The following TRAPPC8 variants were observed in gnomAD, a reference collection of about 807,000 sequenced individuals.
The protein encoded by TRAPPC8 is trafficking protein particle complex subunit 8.
A neutral mutation model predicts 174.3 loss-of-function variants in TRAPPC8; 54 were observed. The ratio of observed to expected loss-of-function variants is 0.31; its 90% CI spans 0.25 to 0.39. The LOEUF (loss-of-function observed/expected upper bound fraction) is 0.39, where lower values mean the gene tolerates loss of function less well. TRAPPC8 is among the 10% of genes least tolerant of loss of function. The probability of loss-of-function intolerance (pLI) is 1.00; values close to 1 mark genes in which losing one functional copy is unlikely to be tolerated. For missense variants in TRAPPC8, 1,531 were observed against 1,699.1 expected (o/e 0.90, Z 1.74); for synonymous variants, 630 against 579.9 (o/e 1.09, Z -1.24).
chr18:31,873,007 C>CTTTTTTTTTT (rs59209328), intron 14 of TRAPPC8, among the ~76,000 whole-genome samples: 4 of 74,600 alleles, frequency 5.4e-5, no homozygotes, highest in African/African-American at 1.8e-4. Flanking sequence ...ATTCATTTTC[C>CTTTTTTTTTT]TTTTTTTTTT....
chr18:31,940,321 A>G (rs2038276674), intron 1 of TRAPPC8, among the ~76,000 whole-genome samples: 1 of 151,638 alleles, frequency 6.6e-6, no homozygotes, highest in Non-Finnish European at 1.5e-5. Context: ...CTAAAAATAC[A>G]AAAATAAGCC....
chr18:31,872,522 C>A (rs1353800527), intron 14 of TRAPPC8, among the ~76,000 whole-genome samples: 1 of 152,050 alleles, frequency 6.6e-6, no homozygotes, highest in Non-Finnish European at 1.5e-5. Flanking sequence ...TGGGTTCAAG[C>A]GATTCTCCTG....
In TRAPPC8 at chr18:31,890,811, T is replaced by C; in HGVS notation, c.1652A>G (p.Asn551Ser). 6.2e-7 allele frequency: 1 copy of C among 1,612,750 alleles called. No individual in the cohort carries two copies. The highest frequency in any genetic ancestry group is 2.2e-5 in the East Asian group (1 of 44,766). ...TTTTCTAACCATGGGACTTTTCATG[T>C]TTATAAAGCAATGTGCTGCCTGTTC... ...LLEQAAHCFI[N>S]MKSPMVRKYA... Residue 551 changes from asparagine (N) to serine (S), a missense_variant, in exon 12 of 29, where the codon AAC becomes AGC. Physicochemically the swap from Asn to Ser is conservative, Grantham distance 46 (BLOSUM62 1). Transcript: ENST00000283351.
At position 31,852,463 on chromosome 18, in the gene TRAPPC8, T is replaced by C. The variant is rs1475229030; in HGVS notation, c.3544A>G (p.Ile1182Val). 2 of 1,614,180 alleles carry C rather than the reference T, an allele frequency of 1.2e-6. No individual in the cohort carries two copies. Among genetic ancestry groups the C allele is most frequent in the Non-Finnish European group, 1.7e-6 (2 of 1,180,024 alleles). ...SSEKYTFADI[I>V]FGNEQIISSA... is the part of the protein sequence containing the mutation. ...TTGCATACCTGTTCATTTCCAAAGATGATATCTGCAAAGGTATATTTTTCA... is the reference window on the plus strand; with the variant it reads ...TTGCATACCTGTTCATTTCCAAAGACGATATCTGCAAAGGTATATTTTTCA... Residue 1182 changes from isoleucine to valine, a missense_variant, in exon 24 of 29, where the codon ATC (isoleucine) becomes GTC (valine). Ile to Val is a conservative substitution (Grantham distance 29). Transcript: ENST00000283351.
chr18:31,873,420 C>G lies in TRAPPC8; in HGVS notation c.2062+10G>C. The G allele has an allele frequency of 6.2e-7, 1 of 1,602,958 alleles. No individual in the cohort carries two copies. The highest frequency in any genetic ancestry group is 8.5e-7 in the Non-Finnish European group (1 of 1,173,688). On this transcript the variant is annotated intron_variant, in intron 14 of 28. Coordinates refer to ENST00000283351, the MANE Select transcript of TRAPPC8 (RefSeq NM_014939.5). ...CATTAGGTAATTAGGCTAAATAAAA[C>G]TTTACTAACCATCCGCTGGTCGTCT...
chr18:31,887,400 C>G (rs2035763387), intron 12 of TRAPPC8, among the ~76,000 whole-genome samples: 1 of 152,074 alleles, frequency 6.6e-6, no homozygotes, highest in Admixed American at 6.5e-5. Flanking sequence ...AATCCCAGCA[C>G]TTGGGAGGCC....
At chr18:31,887,264 A>G (rs1461613584) in intron 12 of TRAPPC8, among the ~76,000 whole-genome samples, 1 of 152,242 alleles carries the variant, frequency 6.6e-6, no homozygotes, top group African/African-American at 2.4e-5. Context: ...TTATCTCAAT[A>G]GATGCAGAAA....
chr18:31,930,273 C>T (rs1568150239), intron 2 of TRAPPC8, among the ~76,000 whole-genome samples: 1 of 152,074 alleles, frequency 6.6e-6, no homozygotes, highest in Non-Finnish European at 1.5e-5. Flanking sequence ...GCACCTGCCA[C>T]CACACCCAGC....
intron 27 of TRAPPC8, among the ~76,000 whole-genome samples, chr18:31,839,030 T>C (rs1192553732): frequency 3.3e-5 from 5 of 152,194 alleles, no homozygotes; most frequent in South Asian, 2.1e-4. Flanking sequence ...TTTTGAAGTG[T>C]TGCCTGATTC....
intron 9 of TRAPPC8, among the ~76,000 whole-genome samples, chr18:31,902,821 G>A (rs1368333714): frequency 1.3e-5 from 2 of 151,988 alleles, no homozygotes; most frequent in South Asian, 2.1e-4. Context: ...AGGCCGAGGC[G>A]GGCGGATCAC....
intron 1 of TRAPPC8, among the ~76,000 whole-genome samples, chr18:31,934,188 A>T (rs1178816417): frequency 1.3e-5 from 2 of 152,148 alleles, no homozygotes; most frequent in Non-Finnish European, 2.9e-5. Context: ...CCTTTCAAAA[A>T]AAAAAAATGG....
chr18:31,851,230 T>C (rs888055699), intron 24 of TRAPPC8, among the ~76,000 whole-genome samples: 4 of 152,192 alleles, frequency 2.6e-5, no homozygotes, highest in African/African-American at 9.6e-5. Flanking sequence ...CTACTTCAGA[T>C]TATCTTCAGG....
chr18:31,878,477 G>A (rs993464931), intron 12 of TRAPPC8, among the ~76,000 whole-genome samples: 8 of 152,140 alleles, frequency 5.3e-5, no homozygotes, highest in Non-Finnish European at 7.4e-5. Flanking sequence ...GTCACCACCC[G>A]ACCAGCTCTA....
intron 19 of TRAPPC8, among the ~76,000 whole-genome samples, chr18:31,864,353 A>T (rs2145154921): frequency 1.3e-5 from 2 of 152,072 alleles, no homozygotes; most frequent in South Asian, 4.1e-4. Flanking sequence ...AAAAAGAGTC[A>T]CTCATTTTTA....
chr18:31,890,586 T>G, intron 12 of TRAPPC8, 149 bp downstream of exon 12: 2 of 703,850 alleles, frequency 2.8e-6, no homozygotes, highest in Non-Finnish European at 4.0e-6. Context: ...TAGCCAGATT[T>G]GTCTAAATCC....
rs1374122295 is a variant in TRAPPC8, at chr18:31,870,497, T to C, written c.2263A>G (p.Ile755Val). The change falls in exon 16 of 29, where the codon ATT (isoleucine) becomes GTT (valine). Residue 755 changes from isoleucine (I) to valine (V), a missense_variant. Coordinates refer to ENST00000283351, the MANE Select transcript of TRAPPC8 (RefSeq NM_014939.5). ...TTTCTAAAAGCCACTTCCACTGTAA[T>C]TGGTTCTATTAAAAAAAAGGCCTAA... ...RFPLAVVEEP[I>V]TVEVAFRNPL... The C allele has an allele frequency of 1.9e-6, 3 of 1,603,634 alleles. No individual in the cohort carries two copies. Among genetic ancestry groups the C allele is most frequent in the Middle Eastern group, 1.7e-4 (1 of 6,016 alleles).
intron 12 of TRAPPC8, among the ~76,000 whole-genome samples, chr18:31,889,640 GT>G (rs1417252318): frequency 1.7e-4 from 26 of 152,158 alleles, no homozygotes; most frequent in African/African-American, 5.1e-4. Flanking sequence ...TTTTTCTCAT[GT>G]TAGAGCCTGA....
Position 31,846,717 on chromosome 18 carries a change from T to C in TRAPPC8, c.3836A>G (p.Gln1279Arg). The change falls in exon 26 of 29, where the codon CAG becomes CGG. Residue 1279 changes from glutamine (Q) to arginine (R), a missense_variant and splice_region_variant. Physicochemically the swap from Gln to Arg is conservative, Grantham distance 43 (BLOSUM62 1). Transcript: ENST00000283351. ...CTCCAAAGCAAACTATGTTATCACC[T>C]GTTTCTGAGGATATGAAAAGGCTTC... ...GKEAFSYPQK[Q>R]EPPEMELLKF... The C allele has an allele frequency of 6.2e-7, 1 of 1,602,530 alleles. No individual in the cohort carries two copies. The highest frequency in any genetic ancestry group is 8.5e-7 in the Non-Finnish European group (1 of 1,172,990).
intron 24 of TRAPPC8, among the ~76,000 whole-genome samples, chr18:31,850,058 T>C (rs1319935826): frequency 6.6e-6 from 1 of 151,892 alleles, no homozygotes; most frequent in East Asian, 1.9e-4. Context: ...GCCCAAGCAA[T>C]GTTCCCATCT....
Sources: allele counts gnomAD v4.1 joint callset (sites outside exome capture counted in the v4.1 genomes callset), GRCh38; gene constraint gnomAD v4.1.1; transcripts MANE v1.5; gene names NCBI Gene and HGNC (gene_info 2026-07-23, HGNC 2026-07-21).